Variants in EARS2 observed in about 807,000 individuals in gnomAD.
The protein encoded by EARS2 is nondiscriminating glutamyl-tRNA synthetase EARS2, mitochondrial.
EARS2 carries 50 observed loss-of-function variants against 54.1 expected under a neutral mutation model. That is an observed-to-expected ratio of 0.92 (90% CI 0.74 to 1.17). The LOEUF is 1.17. Ranked by LOEUF, EARS2 falls within the 50% of genes most tolerant of loss-of-function variation. The pLI, the probability that EARS2 is intolerant of heterozygous loss-of-function variation, is 0.00. For missense variants in EARS2, 673 were observed against 675.0 expected (o/e 1.00, Z 0.03); for synonymous variants, 298 against 281.0 (o/e 1.06, Z -0.61).
In EARS2 at chr16:23,557,281, G is replaced by C. The variant is rs113410455; in HGVS notation, c.63C>G (p.Pro21=). Residue 21 remains proline (P), a synonymous_variant, in exon 1 of 9, where the codon CCC becomes CCG. Transcript: ENST00000449606. The part of the protein sequence containing the change: ...RERPSAASGR[P]VGRREANLGT... ...CCAGGTTGGCCTCGCGCCGTCCTAC[G>C]GGGCGGCCAGAGGCCGCCGAAGGCC... 3.3e-6 allele frequency: 5 copies of C among 1,516,784 alleles called. No individual in the cohort carries two copies. The highest frequency in any genetic ancestry group is 2.5e-5 in the South Asian group (2 of 79,444). 94.0% of individuals were successfully genotyped at this position (1,516,784 alleles called of 1,614,324 possible).
At chr16:23,528,495 G>C (rs770053278) in intron 7 of EARS2, among the ~76,000 whole-genome samples, 2 of 152,228 alleles carry the variant, frequency 1.3e-5, no homozygotes, top group Non-Finnish European at 2.9e-5. Context: ...GGCAGCTCCT[G>C]AACATTTGGG....
intron 7 of EARS2, 48 bp downstream of exon 7, chr16:23,529,454 A>C (rs1339535459): frequency 2.5e-6 from 4 of 1,592,550 alleles, no homozygotes; most frequent in Middle Eastern, 3.3e-4. Context: ...TGGGACAGAG[A>C]GAGGGAAGGA....
intron 1 of EARS2, among the ~76,000 whole-genome samples, chr16:23,553,733 T>C (rs1251018438): frequency 6.6e-6 from 1 of 151,754 alleles, no homozygotes; most frequent in Non-Finnish European, 1.5e-5. Context: ...CTACTAAAAA[T>C]ACCACAAAAA....
chr16:23,541,276 A>G lies in EARS2; in HGVS notation c.485+3238T>C, dbSNP rs957261286. Among the ~76,000 whole-genome samples the G allele has an allele frequency of 2.6e-5, 4 of 152,266 alleles. 1 individual carries two copies. In the South Asian group the frequency reaches 6.2e-4, roughly 24 times the overall value. ...TGGGAGATGGAGATTGCAGTGAGCC[A>G]AGATCTTGCCACTGCACTCCAGCCT... On this transcript the variant is annotated intron_variant, in intron 3 of 8. Transcript: ENST00000449606.
At position 23,544,636 on chromosome 16, in the gene EARS2, C is replaced by T; in HGVS notation, c.363G>A (p.Leu121=). Residue 121 remains leucine, a synonymous_variant, in exon 3 of 9, where the codon TTG becomes TTA. Coordinates refer to ENST00000449606, the MANE Select transcript of EARS2 (RefSeq NM_001083614.2). ...PAGPYQQSQR[L]ELYAQATEAL... ...CTTCTGTGGCCTGGGCATACAGCTC[C>T]AACCGCTGAGATTGCTGGTAGGGCC... 6.2e-7 allele frequency: 1 copy of T among 1,612,360 alleles called. No homozygotes were observed. The highest frequency in any genetic ancestry group is 8.5e-7 in the Non-Finnish European group (1 of 1,179,554).
intron 4 of EARS2, among the ~76,000 whole-genome samples, chr16:23,533,085 G>A (rs1340907294): frequency 6.6e-6 from 1 of 152,186 alleles, no homozygotes; most frequent in Non-Finnish European, 1.5e-5. Context: ...AGGAGTTCGA[G>A]ACTGGCCTGG....
Position 23,537,149 on chromosome 16 carries a change from A to G in EARS2, c.486-1789T>C, listed in dbSNP as rs1178006806. On this transcript the variant is annotated intron_variant, in intron 3 of 8. Transcript: ENST00000449606. ...ACAAAAAGTTAAAGAAGAAAAAGTA[A>G]GTTGCTCCAGAAAAACTTGTAAAGG... 1.4e-5 allele frequency: 3 copies of G among 220,502 alleles called. No individual in the cohort carries two copies. In the East Asian group the frequency reaches 4.1e-4, roughly 30 times the overall value. 13.7% of individuals were successfully genotyped at this position (220,502 alleles called of 1,614,324 possible). A position where few individuals can be genotyped will look rare whatever the true frequency, so the allele number is the denominator to read the frequency against.
intron 2 of EARS2, among the ~76,000 whole-genome samples, chr16:23,549,898 T>C (rs903658628): frequency 2.6e-5 from 4 of 152,156 alleles, no homozygotes; most frequent in Non-Finnish European, 5.9e-5. Context: ...CTTTGAACAT[T>C]CTTCCCCCAG....
intron 2 of EARS2, chr16:23,546,295 A>C: frequency 2.4e-6 from 1 of 424,152 alleles, no homozygotes; most frequent in South Asian, 1.7e-5. Context: ...GAGCTTTCAA[A>C]GGAATTGGGA....
chr16:23,544,197 G>C (rs190813529), intron 3 of EARS2, among the ~76,000 whole-genome samples: 1 of 152,280 alleles, frequency 6.6e-6, no homozygotes, highest in East Asian at 1.9e-4. Context: ...TCTATGGAGA[G>C]GCTCGCATGG....
intron 5 of EARS2, among the ~76,000 whole-genome samples, chr16:23,531,974 A>C (rs1965334553): frequency 6.6e-6 from 1 of 152,062 alleles, no homozygotes; most frequent in Admixed American, 6.6e-5. Context: ...TGCCATGTCC[A>C]GCTAATTTTT....
chr16:23,543,757 G>T (rs1965555792), intron 3 of EARS2, among the ~76,000 whole-genome samples: 1 of 147,712 alleles, frequency 6.8e-6, no homozygotes, highest in Non-Finnish European at 1.5e-5. Flanking sequence ...AGCCACAACT[G>T]ATCTGACATT....
At chr16:23,553,450 T>G (rs1965728751) in intron 1 of EARS2, among the ~76,000 whole-genome samples, 1 of 152,134 alleles carries the variant, frequency 6.6e-6, no homozygotes, top group South Asian at 2.1e-4. Context: ...ACTAGAAATT[T>G]AAAATACTGT....
intron 8 of EARS2, 113 bp downstream of exon 8, chr16:23,525,131 G>A (rs1449216994): frequency 2.1e-6 from 3 of 1,439,750 alleles, no homozygotes; most frequent in African/African-American, 1.4e-5. Flanking sequence ...GAGTGATCAT[G>A]TTTCATTCAC....
At chr16:23,554,526 T>C (rs927611480) in intron 1 of EARS2, among the ~76,000 whole-genome samples, 2 of 152,118 alleles carry the variant, frequency 1.3e-5, no homozygotes, top group East Asian at 3.8e-4. Context: ...GTCTCCACAA[T>C]GAGCTCATCT....
intron 3 of EARS2, among the ~76,000 whole-genome samples, chr16:23,535,616 G>A (rs924011190): frequency 6.6e-6 from 1 of 152,124 alleles, no homozygotes; most frequent in Admixed American, 6.5e-5. Flanking sequence ...TGCTTAGTCC[G>A]AGGGGTTGAA....
Position 23,522,467 on chromosome 16 carries a change from T to C in EARS2, c.*1904A>G, listed in dbSNP as rs1196221265. On this transcript the variant is annotated 3_prime_UTR_variant, in exon 9 of 9. Coordinates refer to ENST00000449606, the MANE Select transcript of EARS2 (RefSeq NM_001083614.2). ...GCTAGTTCCTGTCTTTTCCAAAACCTGTTTTTTTTTTGGCTTTTTGGTAGA... is the reference window on the plus strand; with the variant it reads ...GCTAGTTCCTGTCTTTTCCAAAACCCGTTTTTTTTTTGGCTTTTTGGTAGA... 5 of 151,700 alleles carry C rather than the reference T, an allele frequency of 3.3e-5. No individual in the cohort carries two copies. Among genetic ancestry groups the C allele is most frequent in the African/African-American group, 4.9e-5 (2 of 40,978 alleles). 9.4% of individuals were successfully genotyped at this position (151,700 alleles called of 1,614,324 possible).
intron 4 of EARS2, among the ~76,000 whole-genome samples, chr16:23,533,239 G>A (rs1248974788): frequency 1.3e-5 from 2 of 152,144 alleles, no homozygotes; most frequent in African/African-American, 4.8e-5. Flanking sequence ...AGCTAAGATT[G>A]TGCCGTTGCA....
At chr16:23,552,001 C>G in intron 2 of EARS2, 148 bp downstream of exon 2, 2 of 905,076 alleles carry the variant, frequency 2.2e-6, no homozygotes, top group Non-Finnish European at 3.3e-6. Context: ...CAGGTGTCAT[C>G]TGCCACCCCG....
Sources: allele counts gnomAD v4.1 joint callset (sites outside exome capture counted in the v4.1 genomes callset), GRCh38; gene constraint gnomAD v4.1.1; transcripts MANE v1.5; gene names NCBI Gene and HGNC (gene_info 2026-07-23, HGNC 2026-07-21).